SDK1: variants seen among roughly 807,000 people sequenced by gnomAD.
SDK1 encodes the protein protein sidekick-1.
Under a neutral mutation model 245.5 loss-of-function variants are expected in SDK1, and 157 were observed. The ratio of observed to expected loss-of-function variants is 0.64; its 90% confidence interval spans 0.56 to 0.73. The LOEUF is 0.73. Among genes scored for constraint, SDK1 ranks in the 30% least tolerant of loss-of-function variants. The probability of loss-of-function intolerance (pLI) is 0.00; values close to 1 mark genes in which losing one functional copy is unlikely to be tolerated. For synonymous variants in SDK1, 1,647 were observed against 1,278.5 expected, an observed-to-expected ratio of 1.29 and a Z score of -6.15; for missense variants, 3,583 against 3,002.3, an observed-to-expected ratio of 1.19 and a Z score of -4.52.
intron 35 of SDK1, among the ~76,000 whole-genome samples, chr7:4,202,930 G>A: frequency 6.6e-6 from 1 of 152,228 alleles, no homozygotes; most frequent in Non-Finnish European, 1.5e-5. Flanking sequence ...ATGAGCTGCT[G>A]GTGCTCTCCA....
At chr7:3,449,092 C>G (rs939251439) in intron 1 of SDK1, among the ~76,000 whole-genome samples, 1 of 152,160 alleles carries the variant, frequency 6.6e-6, no homozygotes, top group African/African-American at 2.4e-5. Flanking sequence ...AAGCTCTTTG[C>G]TTTTCACATA....
In SDK1 at chr7:3,558,836, TTTC is replaced by T. The variant is rs568852217; in HGVS notation, c.299-60241_299-60239del. On this transcript the variant is annotated intron_variant, in intron 1 of 44. Coordinates refer to ENST00000404826, the MANE Select transcript of SDK1 (RefSeq NM_152744.4). Reference sequence around the variant, plus strand: ...TCTATATTAGAGACTGTCAAAATTATTTCTTAAGAAGCATTTAAACAAATAATT... The same window carrying T: ...TCTATATTAGAGACTGTCAAAATTATTTAAGAAGCATTTAAACAAATAATT... Among the ~76,000 whole-genome samples the T allele has an allele frequency of 5.7e-3, 867 of 152,334 alleles. 11 individuals carry two copies. The highest frequency in any genetic ancestry group is 0.02 in the African/African-American group (816 of 41,588).
At chr7:4,235,362 C>A (rs569448661) in intron 41 of SDK1, among the ~76,000 whole-genome samples, 1 of 152,172 alleles carries the variant, frequency 6.6e-6, no homozygotes, top group Admixed American at 6.5e-5. Context: ...CAGGGTTTCA[C>A]CCTGTTGGCC....
intron 37 of SDK1, among the ~76,000 whole-genome samples, chr7:4,209,376 T>A (rs1784397192): frequency 1.3e-5 from 2 of 152,074 alleles, no homozygotes; most frequent in Admixed American, 6.5e-5. Context: ...GGCTGTCTGG[T>A]AGGGGCAGCC....
intron 2 of SDK1, among the ~76,000 whole-genome samples, chr7:3,637,053 C>CAGAG (rs10577617): frequency 0.031 from 4,561 of 148,618 alleles, 182 homozygotes; most frequent in African/African-American, 0.096. Flanking sequence ...TTTCCTGATG[C>CAGAG]AGAGAGAGAG....
At chr7:4,178,196 C>A (rs1459077858) in intron 34 of SDK1, among the ~76,000 whole-genome samples, 9 of 152,172 alleles carry the variant, frequency 5.9e-5, no homozygotes, top group Non-Finnish European at 1.2e-4. Flanking sequence ...GGGTTGGGGA[C>A]CCCTGTTCTA....
At chr7:3,330,075 T>G (rs547131229) in intron 1 of SDK1, among the ~76,000 whole-genome samples, 1 of 152,348 alleles carries the variant, frequency 6.6e-6, no homozygotes, top group African/African-American at 2.4e-5. Context: ...TATGTATATG[T>G]CACCTTTTTT....
chr7:3,713,763 T>A (rs1785119335), intron 4 of SDK1, among the ~76,000 whole-genome samples: 1 of 152,202 alleles, frequency 6.6e-6, no homozygotes, highest in Non-Finnish European at 1.5e-5. Context: ...ATTCAACAAT[T>A]TAATATTTAA....
intron 4 of SDK1, among the ~76,000 whole-genome samples, chr7:3,661,986 CATT>C (rs1403490315): frequency 6.6e-6 from 1 of 151,014 alleles, no homozygotes; most frequent in Non-Finnish European, 1.5e-5. Flanking sequence ...TGACAACTCT[CATT>C]ATTATTACCA....
chr7:3,306,338 A>G (rs1381994353), intron 1 of SDK1, among the ~76,000 whole-genome samples: 1 of 152,196 alleles, frequency 6.6e-6, no homozygotes, highest in Non-Finnish European at 1.5e-5. Flanking sequence ...TTTTTCTTTC[A>G]TAACATAACA....
chr7:3,906,804 T>C (rs1236794848), intron 5 of SDK1, among the ~76,000 whole-genome samples: 1 of 151,792 alleles, frequency 6.6e-6, no homozygotes, highest in Non-Finnish European at 1.5e-5. Flanking sequence ...AGTTTTTGTA[T>C]TTTTTAGTAG....
intron 1 of SDK1, among the ~76,000 whole-genome samples, chr7:3,500,154 G>A (rs577227367): frequency 3.9e-5 from 6 of 152,226 alleles, no homozygotes; most frequent in South Asian, 2.1e-4. Context: ...TCACATTGCC[G>A]AAATGTGGGC....
chr7:4,003,707 G>T (rs975643041), intron 14 of SDK1, among the ~76,000 whole-genome samples: 9 of 152,190 alleles, frequency 5.9e-5, no homozygotes, highest in Admixed American at 5.9e-4. Flanking sequence ...CAGACACGGG[G>T]AATTTAACCT....
chr7:3,862,534 C>G (rs1054267725), intron 5 of SDK1, among the ~76,000 whole-genome samples: 5 of 152,176 alleles, frequency 3.3e-5, no homozygotes, highest in Non-Finnish European at 7.3e-5. Flanking sequence ...AGAAAGATTC[C>G]TTTCTCAGAT....
intron 1 of SDK1, among the ~76,000 whole-genome samples, chr7:3,573,827 T>C (rs79210415): frequency 0.059 from 9,042 of 152,030 alleles, 408 homozygotes; most frequent in African/African-American, 0.11. Context: ...CCTGCTGTTC[T>C]TCTGTTTTCC....
At chr7:3,844,447 T>C (rs1041798819) in intron 5 of SDK1, among the ~76,000 whole-genome samples, 22 of 152,284 alleles carry the variant, frequency 1.4e-4, no homozygotes, top group African/African-American at 5.3e-4. Context: ...TCAGGACCCT[T>C]GATGTGCTCA....
chr7:4,255,091 G>A (rs977393457), intron 44 of SDK1, among the ~76,000 whole-genome samples: 1 of 152,210 alleles, frequency 6.6e-6, no homozygotes, highest in African/African-American at 2.4e-5. Flanking sequence ...AGTCTTTGAA[G>A]CTTGCTCTGA....
At chr7:3,566,610 A>G (rs1456117142) in intron 1 of SDK1, among the ~76,000 whole-genome samples, 7 of 152,220 alleles carry the variant, frequency 4.6e-5, no homozygotes, top group East Asian at 3.9e-4. Flanking sequence ...CAATGAAGGT[A>G]TCTGTAGACA....
chr7:4,074,239 G>A lies in SDK1; in HGVS notation c.3011-2759G>A, dbSNP rs141044827. ...TTGGGGTGGGGACAACTGAGGGATT[G>A]GGGGAGGCTGAGAAGCAGGCATTTG... On this transcript the variant is annotated intron_variant, in intron 20 of 44. Coordinates refer to ENST00000404826, the MANE Select transcript of SDK1 (RefSeq NM_152744.4). Among the ~76,000 whole-genome samples the A allele has an allele frequency of 3.6e-3, 547 of 152,290 alleles. 4 individuals are homozygous for A. Among genetic ancestry groups the A allele is most frequent in the African/African-American group, 0.012 (517 of 41,552 alleles).
Sources: allele counts gnomAD v4.1 joint callset (sites outside exome capture counted in the v4.1 genomes callset), GRCh38; gene constraint gnomAD v4.1.1; transcripts MANE v1.5; gene names NCBI Gene and HGNC (gene_info 2026-07-23, HGNC 2026-07-21).